The following LIMK2 variants were observed in gnomAD, a reference collection of about 807,000 sequenced individuals.
LIMK2 encodes LIM domain kinase 2.
In LIMK2, 35 loss-of-function variants were observed where a neutral mutation model predicts 75.7. That is an observed-to-expected ratio of 0.46 (90% confidence interval 0.35 to 0.61). LIMK2 has a LOEUF of 0.61. LIMK2 is among the 20% of genes least tolerant of loss of function. The pLI, the probability that LIMK2 is intolerant of heterozygous loss-of-function variation, is 0.00. For missense variants in LIMK2, 623 were observed against 831.0 expected (o/e 0.75, Z 3.08); for synonymous variants, 301 against 319.2 (o/e 0.94, Z 0.61).
At chr22:31,254,607 CCTGCT>C (rs2048758568) in intron 2 of LIMK2, among the ~76,000 whole-genome samples, 1 of 152,174 alleles carries the variant, frequency 6.6e-6, no homozygotes, top group Non-Finnish European at 1.5e-5. Context: ...GAAGGAAGCC[CCTGCT>C]CCTACTGCCA....
At chr22:31,228,850 C>T (rs1601405106) in intron 2 of LIMK2, among the ~76,000 whole-genome samples, 1 of 151,888 alleles carries the variant, frequency 6.6e-6, no homozygotes, top group East Asian at 1.9e-4. Flanking sequence ...AGCTGAGGAG[C>T]GATGATTACC....
chr22:31,267,654 C>T (rs2048909537), intron 9 of LIMK2, 122 bp from the exon 10 acceptor site: 1 of 1,083,318 alleles, frequency 9.2e-7, no homozygotes, highest in Non-Finnish European at 1.3e-6. Context: ...CCTGTCATAT[C>T]ACAAGATAGG....
intron 13 of LIMK2, 131 bp from the exon 14 acceptor site, chr22:31,273,321 C>T (rs954805230): frequency 1.1e-5 from 9 of 787,798 alleles, no homozygotes; most frequent in Non-Finnish European, 1.7e-5. Context: ...CTGCGCAGGA[C>T]AGCCTGTGGG....
At chr22:31,266,240 G>A in intron 8 of LIMK2, 108 bp downstream of exon 8, 1 of 1,133,652 alleles carries the variant, frequency 8.8e-7, no homozygotes, top group Non-Finnish European at 1.3e-6. Flanking sequence ...CAGGATGCCA[G>A]GCCTCCTTCC....
chr22:31,260,699 G>A (rs1055304857), intron 5 of LIMK2, among the ~76,000 whole-genome samples: 2 of 152,226 alleles, frequency 1.3e-5, no homozygotes, highest in African/African-American at 4.8e-5. Context: ...TTGCACAGCA[G>A]GTGAAAGATA....
chr22:31,270,768 G>A (rs932361119), intron 11 of LIMK2, among the ~76,000 whole-genome samples: 68 of 152,202 alleles, frequency 4.5e-4, no homozygotes, highest in African/African-American at 1.3e-3. Flanking sequence ...TTGGGAGAGT[G>A]GGGAGGAGGG....
rs768718935 is a variant in LIMK2 at position 31,271,210 on chromosome 22, C to T, written c.1383+9C>T. ...ACTGCCTCATCAAGTTGGTATGTCC[C>T]ACTGCTCTGGGCCTGGCCTCCAGGG... On this transcript the variant is annotated intron_variant, in intron 12 of 15. Coordinates refer to ENST00000331728, the MANE Select transcript of LIMK2 (RefSeq NM_005569.4). 6.2e-7 allele frequency: 1 copy of T among 1,612,922 alleles called. No homozygotes were observed. The highest frequency in any genetic ancestry group is 8.5e-7 in the Non-Finnish European group (1 of 1,178,966).
At chr22:31,223,333 T>C (rs1472700434) in intron 1 of LIMK2, among the ~76,000 whole-genome samples, 1 of 152,226 alleles carries the variant, frequency 6.6e-6, no homozygotes, top group Non-Finnish European at 1.5e-5. Context: ...ACAAGTTATC[T>C]TGAATATCCT....
chr22:31,227,796 G>A (rs892793614), intron 2 of LIMK2, among the ~76,000 whole-genome samples: 1 of 152,208 alleles, frequency 6.6e-6, no homozygotes, highest in African/African-American at 2.4e-5. Context: ...AAGCAGGACA[G>A]GGTAGAGCAA....
chr22:31,279,234 C>T lies in LIMK2; in HGVS notation c.*793C>T, dbSNP rs2049062261. Reference sequence around the variant, plus strand: ...CTGGGGGACTAGAAAGAGGCCCTGCCCTCTAGAAAGCTCAGATCTTGGCTT... The same window carrying T: ...CTGGGGGACTAGAAAGAGGCCCTGCTCTCTAGAAAGCTCAGATCTTGGCTT... On this transcript the variant is annotated 3_prime_UTR_variant, in exon 16 of 16. Transcript: ENST00000331728. 6.6e-6 allele frequency: 1 copy of T among 152,230 alleles called. No individual in the cohort carries two copies. Among genetic ancestry groups the T allele is most frequent in the African/African-American group, 2.4e-5 (1 of 41,444 alleles). 9.4% of individuals were successfully genotyped at this position (152,230 alleles called of 1,614,324 possible). A position where few individuals can be genotyped will look rare whatever the true frequency, so the allele number is the denominator to read the frequency against.
At chr22:31,272,387 T>C (rs1466314070) in intron 12 of LIMK2, 143 bp from the exon 13 acceptor site, 6 of 772,076 alleles carry the variant, frequency 7.8e-6, no homozygotes, top group Non-Finnish European at 1.2e-5. Context: ...AGTGTGTCTA[T>C]TTGATAGAGC....
At chr22:31,250,168 C>T (rs1451489610) in intron 2 of LIMK2, among the ~76,000 whole-genome samples, 2 of 152,076 alleles carry the variant, frequency 1.3e-5, no homozygotes, top group Non-Finnish European at 2.9e-5. Context: ...TCTAAAGAGC[C>T]AATGGAAATT....
rs769184921 is a variant in LIMK2 at position 31,225,777 on chromosome 22, G to T, written c.74G>T (p.Trp25Leu). ...GACCACATTGCTCCAAGCCAGATATGGTACAGGACTGTCAACGAAACCTGG... is the reference window on the plus strand; with the variant it reads ...GACCACATTGCTCCAAGCCAGATATTGTACAGGACTGTCAACGAAACCTGG... ...CGDHIAPSQIWYRTVNETWHG... is the reference protein window; with the variant it reads ...CGDHIAPSQILYRTVNETWHG... Residue 25 changes from tryptophan to leucine, a missense_variant, in exon 2 of 16, where the codon TGG becomes TTG. Around this residue, in one of 3 missense-constraint regions of LIMK2, gnomAD observed 514 missense variants for 661.3 expected, o/e 0.78. Transcript: ENST00000331728. 1.2e-6 allele frequency: 2 copies of T among 1,614,070 alleles called. No individual in the cohort carries two copies. The highest frequency in any genetic ancestry group is 2.2e-5 in the South Asian group (2 of 91,064).
At chr22:31,276,738 C>G (rs1342679058) in intron 15 of LIMK2, 1 of 1,527,482 alleles carries the variant, frequency 6.5e-7, no homozygotes, top group African/African-American at 1.4e-5. Flanking sequence ...GGCCCCGGCC[C>G]CGGCCCCCAG....
At chr22:31,228,096 G>A (rs1181680782) in intron 2 of LIMK2, among the ~76,000 whole-genome samples, 1 of 151,932 alleles carries the variant, frequency 6.6e-6, no homozygotes, top group Non-Finnish European at 1.5e-5. Context: ...ACATAAAGAG[G>A]AAGTAGACAC....
chr22:31,269,840 A>C, intron 11 of LIMK2, among the ~76,000 whole-genome samples: 1 of 151,680 alleles, frequency 6.6e-6, no homozygotes, highest in East Asian at 1.9e-4. Context: ...GGTCCAGGGA[A>C]TGGAGCCCTG....
intron 15 of LIMK2, 110 bp downstream of exon 15, chr22:31,275,418 T>G (rs2049003691): frequency 9.1e-7 from 1 of 1,097,260 alleles, no homozygotes; most frequent in African/African-American, 1.6e-5. Flanking sequence ...AGCCTTGAGG[T>G]CAAGAATGTG....
intron 2 of LIMK2, among the ~76,000 whole-genome samples, chr22:31,233,281 A>G (rs1233952799): frequency 6.6e-6 from 1 of 152,214 alleles, no homozygotes; most frequent in African/African-American, 2.4e-5. Flanking sequence ...AAATTCAATC[A>G]TGTATTCAAA....
rs374493189 is a variant in LIMK2, at chr22:31,278,308, C to T, written c.1784C>T (p.Ser595Leu). 38 of 1,612,152 alleles carry T rather than the reference C, an allele frequency of 2.4e-5. No individual in the cohort carries two copies. Among genetic ancestry groups the T allele is most frequent in the South Asian group, 6.6e-5 (6 of 90,884 alleles). Residue 595 changes from serine to leucine, a missense_variant, in exon 16 of 16, where the codon TCG (serine) becomes TTG (leucine). Transcript: ENST00000331728. ...TCTTTTCCTTCTAGACCAGCATTCT[C>T]GAAATTGGAGGACTCCTTTGAGGCC... ...RLEPESRPAF[S>L]KLEDSFEALS...
Sources: gnomAD v4.1 joint callset for allele counts (sites outside exome capture counted in the v4.1 genomes callset) on GRCh38, gnomAD v4.1.1 for gene constraint, gnomAD v4.1.1 regional missense constraint, MANE v1.5 for transcripts, NCBI Gene and HGNC (gene_info 2026-07-23, HGNC 2026-07-21) for gene names.